Variants in KAZN observed in about 807,000 individuals in gnomAD.
KAZN encodes the protein kazrin, periplakin interacting protein.
Under a neutral mutation model 87.4 loss-of-function variants are expected in KAZN, and 40 were observed. The ratio of observed to expected loss-of-function variants is 0.46; its 90% CI spans 0.36 to 0.60. The LOEUF is 0.60. KAZN is among the 20% of genes least tolerant of loss of function. The pLI, the probability that KAZN is intolerant of heterozygous loss-of-function variation, is 0.00. For synonymous variants in KAZN, 466 were observed against 458.3 expected (o/e 1.02, Z -0.22); for missense variants, 898 against 1,073.9 (o/e 0.84, Z 2.29).
At chr1:14,674,587 T>C (rs892686404) in intron 1 of KAZN, among the ~76,000 whole-genome samples, 49 of 152,246 alleles carry the variant, frequency 3.2e-4, no homozygotes, top group Admixed American at 3.2e-3. Context: ...TAGGCACTTC[T>C]AAGCTTAAGC....
At chr1:14,461,942 T>C (rs957863504) in intron 2 of KAZN, among the ~76,000 whole-genome samples, 1 of 151,760 alleles carries the variant, frequency 6.6e-6, no homozygotes. Flanking sequence ...ATGAATTCTC[T>C]CCTGGGTGAT....
chr1:14,700,389 T>G (rs1162648243), intron 1 of KAZN, among the ~76,000 whole-genome samples: 1 of 151,952 alleles, frequency 6.6e-6, no homozygotes, highest in Non-Finnish European at 1.5e-5. Flanking sequence ...GAGAATCGCT[T>G]GAACCCGGGA....
At chr1:15,008,171 C>T (rs906335677) in intron 2 of KAZN, among the ~76,000 whole-genome samples, 2 of 152,228 alleles carry the variant, frequency 1.3e-5, no homozygotes, top group Non-Finnish European at 2.9e-5. Flanking sequence ...TCTCCATGAG[C>T]CCAGCGCTTG....
intron 1 of KAZN, among the ~76,000 whole-genome samples, chr1:14,625,766 T>C (rs1437053129): frequency 1.3e-5 from 2 of 152,232 alleles, no homozygotes; most frequent in Admixed American, 1.3e-4. Flanking sequence ...CGTTGGACGA[T>C]GTGATTTCTT....
chr1:15,090,353 C>T (rs1290608899), intron 8 of KAZN, among the ~76,000 whole-genome samples: 3 of 152,218 alleles, frequency 2.0e-5, no homozygotes, highest in East Asian at 1.9e-4. Flanking sequence ...GGAGGCCTCC[C>T]GGGGGCTCTC....
intron 2 of KAZN, among the ~76,000 whole-genome samples, chr1:14,275,044 T>G (rs978561052): frequency 2.0e-5 from 3 of 152,148 alleles, no homozygotes; most frequent in Non-Finnish European, 4.4e-5. Flanking sequence ...TGTGACTCTA[T>G]GCATACATAC....
chr1:14,338,987 T>C (rs1252678495), intron 2 of KAZN, among the ~76,000 whole-genome samples: 1 of 151,804 alleles, frequency 6.6e-6, no homozygotes, highest in Non-Finnish European at 1.5e-5. Flanking sequence ...ACCAATGTGA[T>C]GAAGATGTCA....
intron 2 of KAZN, among the ~76,000 whole-genome samples, chr1:15,010,687 G>A (rs1014416153): frequency 6.6e-6 from 1 of 152,116 alleles, no homozygotes; most frequent in South Asian, 2.1e-4. Context: ...ACCACTCCCG[G>A]CCCGTCTTGC....
chr1:14,407,852 G>A (rs1663991060), intron 2 of KAZN, among the ~76,000 whole-genome samples: 1 of 152,150 alleles, frequency 6.6e-6, no homozygotes, highest in African/African-American at 2.4e-5. Context: ...TCTACTTTCA[G>A]AGCTCCTGGA....
At chr1:14,176,878 G>A (rs995002283) in intron 1 of KAZN, among the ~76,000 whole-genome samples, 2 of 152,162 alleles carry the variant, frequency 1.3e-5, no homozygotes, top group Non-Finnish European at 2.9e-5. Context: ...CTAAAACTTA[G>A]GTTGTTCGCA....
intron 3 of KAZN, among the ~76,000 whole-genome samples, chr1:15,035,852 C>A (rs749644002): frequency 7.9e-5 from 12 of 152,072 alleles, no homozygotes; most frequent in Non-Finnish European, 1.5e-4. Context: ...TTCTGCCCTG[C>A]GTAGGCACCT....
intron 2 of KAZN, 75 bp downstream of exon 2, chr1:14,960,950 G>A: frequency 1.0e-5 from 15 of 1,464,496 alleles, no homozygotes; most frequent in Non-Finnish European, 1.4e-5. Flanking sequence ...CCCATGCAGG[G>A]GAAGTGACGC....
intron 1 of KAZN, among the ~76,000 whole-genome samples, chr1:14,761,051 CA>C (rs1483499635): frequency 2.6e-5 from 4 of 152,188 alleles, no homozygotes; most frequent in Non-Finnish European, 5.9e-5. Flanking sequence ...CACTGGTCTA[CA>C]AAACAACTGA....
chr1:14,458,008 G>A (rs57445663), intron 2 of KAZN, among the ~76,000 whole-genome samples: 3,991 of 152,008 alleles, frequency 0.026, 185 homozygotes, highest in African/African-American at 0.09. Flanking sequence ...GTTTTTAGTA[G>A]AGTTATGGTT....
At position 14,599,805 on chromosome 1, in the gene KAZN, G is replaced by A. The variant is rs1557827330; in HGVS notation, c.226+582G>A. ...AACAGTAGATGCTCAGCTCAGCAGGGAGTTTAAATTTCCGCAAATATAAAC... is the reference window on the plus strand; with the variant it reads ...AACAGTAGATGCTCAGCTCAGCAGGAAGTTTAAATTTCCGCAAATATAAAC... On this transcript the variant is annotated intron_variant, in intron 1 of 14. Transcript: ENST00000376030. The surrounding 1 kb of genome is among the most constrained non-coding windows in gnomAD (Gnocchi z 4.4). Among the ~76,000 whole-genome samples the A allele has an allele frequency of 6.6e-6, 1 of 152,140 alleles. No homozygotes were observed. Among genetic ancestry groups the A allele is most frequent in the Non-Finnish European group, 1.5e-5 (1 of 68,044 alleles).
In KAZN at chr1:14,782,813, A is replaced by G. The variant is rs113210210; in HGVS notation, c.227-177871A>G. 9.4e-3 allele frequency among the ~76,000 whole-genome samples: 1,432 copies of G among 152,222 alleles called. 25 individuals carry two copies. Among genetic ancestry groups the G allele is most frequent in the African/African-American group, 0.032 (1,347 of 41,522 alleles). ...TTTCCTGAGTCGCTGGAGGAATCCC[A>G]GGGTAGAGGCATCCCCCCAACCTCG... On this transcript the variant is annotated intron_variant, in intron 1 of 14. Coordinates refer to ENST00000376030, the MANE Select transcript of KAZN (RefSeq NM_201628.3).
intron 1 of KAZN, among the ~76,000 whole-genome samples, chr1:14,734,179 A>G (rs1643811814): frequency 6.6e-6 from 1 of 152,238 alleles, no homozygotes; most frequent in African/African-American, 2.4e-5. Context: ...AGGATAAAGT[A>G]GCACCTAACT....
chr1:14,528,967 T>C (rs1447318883), intron 2 of KAZN, among the ~76,000 whole-genome samples: 1 of 151,914 alleles, frequency 6.6e-6, no homozygotes, highest in African/African-American at 2.4e-5. Context: ...CACCCCCCAT[T>C]CCAGTTATCT....
At chr1:13,924,921 C>G (rs1640215129) in intron 1 of KAZN, among the ~76,000 whole-genome samples, 1 of 152,190 alleles carries the variant, frequency 6.6e-6, no homozygotes, top group Admixed American at 6.5e-5. Flanking sequence ...CTCAGATACT[C>G]AGCGTTCACA....
Sources: allele counts gnomAD v4.1 joint callset (sites outside exome capture counted in the v4.1 genomes callset), GRCh38; gene constraint gnomAD v4.1.1; non-coding constraint Gnocchi (gnomAD v3.1); transcripts MANE v1.5; gene names NCBI Gene and HGNC (gene_info 2026-07-23, HGNC 2026-07-21).